The following SLC16A2 variants were observed in gnomAD, a reference collection of about 807,000 sequenced individuals.
The protein encoded by SLC16A2 is solute carrier family 16 member 2, also known as monocarboxylate transporter 8.
SLC16A2 carries 3 observed loss-of-function variants against 27.2 expected under a neutral mutation model. The ratio of observed to expected loss-of-function variants is 0.11; its 90% CI spans 0.05 to 0.28. The LOEUF is 0.28. SLC16A2 is among the 10% of genes least tolerant of loss of function. The pLI, the probability that SLC16A2 is intolerant of heterozygous loss-of-function variation, is 1.00. For missense variants in SLC16A2, 295 were observed against 458.5 expected, an observed-to-expected ratio of 0.64 and a Z score of 3.26; for synonymous variants, 202 against 187.8, an observed-to-expected ratio of 1.08 and a Z score of -0.62.
chrX:74,430,309 A>G (rs1347555825), intron 1 of SLC16A2, among the ~76,000 whole-genome samples: 3 of 112,157 alleles, frequency 2.7e-5, no homozygotes, highest in African/African-American at 9.7e-5. Context: ...GTCTGAGTTT[A>G]GAACTCCTGC....
intron 1 of SLC16A2, among the ~76,000 whole-genome samples, chrX:74,490,367 A>T (rs1435673369): frequency 4.3e-5 from 4 of 92,127 alleles, no homozygotes; most frequent in Admixed American, 1.3e-4. Context: ...CCCACACTTA[A>T]AAAAAAAAAA....
rs777659278 is a variant in SLC16A2, at chrX:74,461,438, G to A, written c.430+39371G>A. On this transcript the variant is annotated intron_variant, in intron 1 of 5. Coordinates refer to ENST00000587091, the MANE Select transcript of SLC16A2 (RefSeq NM_006517.5). ...TGTGTGTGTGTGTGTGTGCACGCGT[G>A]CATGTGTGTCTGTCTGTGAAAAAGA... is the stretch of plus-strand genomic sequence containing the variant. Among the ~76,000 whole-genome samples, 5 of 110,221 alleles carry A rather than the reference G, an allele frequency of 4.5e-5. No homozygotes were observed. In the South Asian group the frequency reaches 2.0e-3, roughly 44 times the overall value.
At chrX:74,431,953 C>T (rs1223069102) in intron 1 of SLC16A2, among the ~76,000 whole-genome samples, 2 of 111,774 alleles carry the variant, frequency 1.8e-5, no homozygotes, top group Admixed American at 9.6e-5. Flanking sequence ...ACCCCTGTGT[C>T]CTGTAGCTAA....
intron 1 of SLC16A2, among the ~76,000 whole-genome samples, chrX:74,495,097 C>T (rs762145060): frequency 5.4e-5 from 6 of 111,955 alleles, no homozygotes; most frequent in African/African-American, 1.3e-4. Flanking sequence ...CCAGAAGAAA[C>T]CTTGATTCCT....
At chrX:74,440,522 C>CTTTTT (rs34468845) in intron 1 of SLC16A2, among the ~76,000 whole-genome samples, 1 of 70,029 alleles carries the variant, frequency 1.4e-5, no homozygotes, top group Non-Finnish European at 2.6e-5. Context: ...ATATAAATTC[C>CTTTTT]TTTTTTTTTT....
At chrX:74,526,298 T>C (rs1386362574) in intron 4 of SLC16A2, among the ~76,000 whole-genome samples, 1 of 111,495 alleles carries the variant, frequency 9.0e-6, no homozygotes, top group African/African-American at 3.3e-5. Flanking sequence ...GCAGGTGGGT[T>C]TATGAAGTGG....
chrX:74,464,442 C>T (rs1929214144), intron 1 of SLC16A2, among the ~76,000 whole-genome samples: 1 of 111,620 alleles, frequency 9.0e-6, no homozygotes, highest in East Asian at 2.8e-4. Context: ...AGTTGCACCT[C>T]CCCAAGCATT....
chrX:74,487,447 T>G (rs1470377314), intron 1 of SLC16A2, among the ~76,000 whole-genome samples: 1 of 111,563 alleles, frequency 9.0e-6, no homozygotes, highest in Non-Finnish European at 1.9e-5. Flanking sequence ...AGACTTACAG[T>G]GGCATTTATC....
chrX:74,448,438 A>G (rs963202712), intron 1 of SLC16A2, among the ~76,000 whole-genome samples: 4 of 108,309 alleles, frequency 3.7e-5, no homozygotes, highest in Non-Finnish European at 5.7e-5. Flanking sequence ...CTTTGCATAG[A>G]ACACCTAATA....
At chrX:74,486,147 A>G (rs948088467) in intron 1 of SLC16A2, among the ~76,000 whole-genome samples, 7 of 111,368 alleles carry the variant, frequency 6.3e-5, no homozygotes, top group African/African-American at 2.3e-4. Flanking sequence ...TTGGTATTTT[A>G]GTGAGCCCTC....
At chrX:74,432,974 G>C (rs1928558817) in intron 1 of SLC16A2, among the ~76,000 whole-genome samples, 1 of 112,059 alleles carries the variant, frequency 8.9e-6, no homozygotes, top group Non-Finnish European at 1.9e-5. Context: ...GTGTTATCTG[G>C]TGTGTCCCTT....
chrX:74,478,473 C>T (rs1295058661), intron 1 of SLC16A2, among the ~76,000 whole-genome samples: 1 of 111,846 alleles, frequency 8.9e-6, no homozygotes, highest in African/African-American at 3.3e-5. Flanking sequence ...GAGCATTTAG[C>T]CCATTTGCAT....
chrX:74,504,488 G>A lies in SLC16A2; in HGVS notation c.431-16502G>A, dbSNP rs765196345. ...TTGCATTTGCCCTACTGAGGGCCTGGGACATGTGCTCTCTTCATTAGCAGC... is the reference window on the plus strand; with the variant it reads ...TTGCATTTGCCCTACTGAGGGCCTGAGACATGTGCTCTCTTCATTAGCAGC... On this transcript the variant is annotated intron_variant, in intron 1 of 5. Coordinates refer to ENST00000587091, the MANE Select transcript of SLC16A2 (RefSeq NM_006517.5). Among the ~76,000 whole-genome samples, 6 of 111,897 alleles carry A rather than the reference G, an allele frequency of 5.4e-5. No individual in the cohort carries two copies. In the East Asian group the frequency reaches 1.7e-3, roughly 31 times the overall value.
At chrX:74,517,207 A>G (rs747772454) in intron 1 of SLC16A2, among the ~76,000 whole-genome samples, 3 of 112,405 alleles carry the variant, frequency 2.7e-5, no homozygotes, top group Non-Finnish European at 3.8e-5. Context: ...AACTTGGTGA[A>G]GAGTTCATGG....
chrX:74,473,133 C>T (rs1390857777), intron 1 of SLC16A2: 18 of 583,046 alleles, frequency 3.1e-5, no homozygotes, highest in Non-Finnish European at 5.4e-5. Flanking sequence ...GCTTCTGACT[C>T]CAAAGTTTCA....
chrX:74,506,232 T>G (rs1403036376), intron 1 of SLC16A2, among the ~76,000 whole-genome samples: 1 of 111,728 alleles, frequency 9.0e-6, no homozygotes, highest in Admixed American at 9.5e-5. Flanking sequence ...AAGGCCGAGA[T>G]GCTAAAATGA....
intron 1 of SLC16A2, among the ~76,000 whole-genome samples, chrX:74,515,348 A>G (rs1930301063): frequency 9.0e-6 from 1 of 111,213 alleles, no homozygotes; most frequent in African/African-American, 3.3e-5. Flanking sequence ...TAATTATCCA[A>G]TCTGGACCAC....
chrX:74,529,161 A>G lies in SLC16A2; in HGVS notation c.1171-52A>G, dbSNP rs371582126. 31 of 858,795 alleles carry G rather than the reference A, an allele frequency of 3.6e-5. No individual in the cohort carries two copies. The African/African-American group carries it at 5.8e-4, about 16-fold the overall frequency. 70.8% of individuals were successfully genotyped at this position (858,795 alleles called of 1,213,427 possible). A position where few individuals can be genotyped will look rare whatever the true frequency, so the allele number is the denominator to read the frequency against. On this transcript the variant is annotated intron_variant, in intron 4 of 5. Coordinates refer to ENST00000587091, the MANE Select transcript of SLC16A2 (RefSeq NM_006517.5). ...GACTTGAGAAAGGAGATGTGATGCT[A>G]TGTGGTCTTGGCTGGCCAGCACAAC... is the stretch of plus-strand genomic sequence containing the variant.
intron 1 of SLC16A2, among the ~76,000 whole-genome samples, chrX:74,445,165 C>T (rs772284858): frequency 4.2e-4 from 47 of 111,568 alleles, no homozygotes; most frequent in African/African-American, 1.1e-3. Context: ...GTGGCAAGTT[C>T]TAAGTTGCGT....
Sources: gnomAD v4.1 joint callset for allele counts (sites outside exome capture counted in the v4.1 genomes callset) on GRCh38, gnomAD v4.1.1 for gene constraint, MANE v1.5 for transcripts, NCBI Gene and HGNC (gene_info 2026-07-23, HGNC 2026-07-21) for gene names.